SUPT7L: variants seen among roughly 807,000 people sequenced by gnomAD.
SUPT7L encodes SPT7 like, STAGA complex subunit gamma, also known as STAGA complex 65 subunit gamma.
A neutral mutation model predicts 35.7 loss-of-function variants in SUPT7L; 15 were observed. That is an observed-to-expected ratio of 0.42 (90% CI 0.28 to 0.65). SUPT7L has a LOEUF of 0.65. SUPT7L is among the 30% of genes least tolerant of loss of function. The pLI is 0.23. For missense variants in SUPT7L, 434 were observed against 522.2 expected (o/e 0.83, Z 1.65); for synonymous variants, 168 against 186.2 (o/e 0.90, Z 0.79).
In SUPT7L at chr2:27,657,245, ACT is replaced by A. The variant is rs1392836444; in HGVS notation, c.744+98_744+99del. 3.8e-6 allele frequency: 5 copies of A among 1,303,528 alleles called. No homozygotes were observed. Among genetic ancestry groups the A allele is most frequent in the African/African-American group, 3.0e-5 (2 of 67,712 alleles). The allele number at this position is 1,303,528 out of a possible 1,614,324, so 80.7% of individuals were successfully genotyped here. On this transcript the variant is annotated intron_variant, in intron 4 of 5. Transcript: ENST00000337768. This position sits in a 1 kb window ranked among gnomAD's most constrained non-coding sequence, Gnocchi z 5.2. ...TATGTTAAGTTCACTCTGTTCCAAG[ACT>A]CTGTGCTCTGCACTCTAGACCAAGT... is the stretch of plus-strand genomic sequence containing the variant.
downstream of SUPT7L, chr2:27,649,986 C>A: frequency 1.7e-6 from 1 of 591,724 alleles, no homozygotes; most frequent in Non-Finnish European, 3.1e-6. Flanking sequence ...GGAGACATTT[C>A]CTTTTTGAGG....
rs377345230 is a variant in SUPT7L, at chr2:27,653,452, T to G, written c.*33A>C. 8.1e-6 allele frequency: 13 copies of G among 1,601,132 alleles called. No homozygotes were observed. In the African/African-American group the frequency reaches 1.6e-4, roughly 20 times the overall value. On this transcript the variant is annotated 3_prime_UTR_variant, in exon 6 of 6. Transcript: ENST00000337768. ...CAAAAACCTTTTCTGTTGGGTCTAG[T>G]AGGTCTGGACAAAACATCTCCCTCT...
Position 27,657,681 on chromosome 2 carries a change from G to A in SUPT7L, c.420-12C>T, listed in dbSNP as rs1674870099. The A allele has an allele frequency of 1.9e-6, 3 of 1,605,442 alleles. No homozygotes were observed. In the East Asian group the frequency reaches 6.7e-5, roughly 36 times the overall value. On this transcript the variant is annotated splice_polypyrimidine_tract_variant and intron_variant, in intron 3 of 5. Transcript: ENST00000337768. This position sits in a 1 kb window ranked among gnomAD's most constrained non-coding sequence, Gnocchi z 5.2. Reference sequence around the variant, plus strand: ...GTTCCCCTTTCCCACTGAAAGTGGAGATACGGTGGTGTTATTAATGTTCTT... The same window carrying A: ...GTTCCCCTTTCCCACTGAAAGTGGAAATACGGTGGTGTTATTAATGTTCTT...
At chr2:27,645,725 A>G in the SUPT7L span, among the ~76,000 whole-genome samples, 1 of 151,894 alleles carries the variant, frequency 6.6e-6, no homozygotes, top group South Asian at 2.1e-4. Context: ...TTTTAAAACA[A>G]ATCATCTTTA....
the SUPT7L span, among the ~76,000 whole-genome samples, chr2:27,642,904 TGAGA>T: frequency 6.7e-6 from 1 of 148,872 alleles, no homozygotes; most frequent in Non-Finnish European, 1.5e-5. Flanking sequence ...TGTTTATATA[TGAGA>T]GAGAGAAAGA....
chr2:27,647,034 A>C (rs1674267053), downstream of SUPT7L, among the ~76,000 whole-genome samples: 1 of 151,806 alleles, frequency 6.6e-6, no homozygotes, highest in African/African-American at 2.4e-5. Context: ...CATTTGAGGA[A>C]AGTCACAAGT....
chr2:27,653,284 T>A lies in SUPT7L; in HGVS notation c.*201A>T. 1.5e-6 allele frequency: 1 copy of A among 661,668 alleles called. No individual in the cohort carries two copies. The highest frequency in any genetic ancestry group is 2.5e-6 in the Non-Finnish European group (1 of 401,528). The allele number at this position is 661,668 out of a possible 1,614,324, so 41.0% of individuals were successfully genotyped here. On this transcript the variant is annotated 3_prime_UTR_variant, in exon 6 of 6. Transcript: ENST00000337768. Reference sequence around the variant, plus strand: ...TCATATTTTATCTGTGAAGGGTGGCTTGGTTGTGGAAAACTATAAAAACTG... The same window carrying A: ...TCATATTTTATCTGTGAAGGGTGGCATGGTTGTGGAAAACTATAAAAACTG...
At chr2:27,645,903 T>C (rs1270137501), downstream of SUPT7L, among the ~76,000 whole-genome samples, 1 of 151,612 alleles carries the variant, frequency 6.6e-6, no homozygotes, top group Non-Finnish European at 1.5e-5. Flanking sequence ...CTAAATTTTG[T>C]ATTTTTAGTG....
At chr2:27,662,377 A>C (rs993663390) in intron 1 of SUPT7L, 96 bp from the exon 2 acceptor site, 2 of 594,108 alleles carry the variant, frequency 3.4e-6, no homozygotes, top group Non-Finnish European at 5.9e-6. Context: ...CTGGAAGCAC[A>C]AAGGAGGAGC....
chr2:27,651,775 A>G lies in SUPT7L; in HGVS notation c.*1710T>C, dbSNP rs777058955. On this transcript the variant is annotated 3_prime_UTR_variant, in exon 6 of 6. Coordinates refer to ENST00000337768, the MANE Select transcript of SUPT7L (RefSeq NM_014860.3). ...TCAATGTTTGCTGGATGAATGAACT[A>G]AATTCCCATACGGCCACTTTATGGA... is the stretch of plus-strand genomic sequence containing the variant. 11 of 152,242 alleles carry G rather than the reference A, an allele frequency of 7.2e-5. No individual in the cohort carries two copies. Among genetic ancestry groups the G allele is most frequent in the Non-Finnish European group, 1.5e-4 (10 of 68,052 alleles). 9.4% of individuals were successfully genotyped at this position (152,242 alleles called of 1,614,324 possible). A position where few individuals can be genotyped will look rare whatever the true frequency, so the allele number is the denominator to read the frequency against.
Position 27,663,378 on chromosome 2 carries a change from C to T in SUPT7L, c.-139G>A, listed in dbSNP as rs970513006. On this transcript the variant is annotated 5_prime_UTR_variant, in exon 1 of 6. Coordinates refer to ENST00000337768, the MANE Select transcript of SUPT7L (RefSeq NM_014860.3). ...CGGAGCCCAAGGAATGCCCAAGTCC[C>T]TCCAGGGGTTTCCTCGGTCACGGTC... The T allele has an allele frequency of 2.2e-5, 5 of 223,336 alleles. No homozygotes were observed. Among genetic ancestry groups the T allele is most frequent in the African/African-American group, 1.1e-4 (5 of 43,598 alleles). 13.8% of individuals were successfully genotyped at this position (223,336 alleles called of 1,614,324 possible).
chr2:27,658,621 T>C (rs1249086367), intron 3 of SUPT7L, among the ~76,000 whole-genome samples: 1 of 152,252 alleles, frequency 6.6e-6, no homozygotes, highest in East Asian at 1.9e-4. Flanking sequence ...GTACTTGGCA[T>C]GTGTCATCAC....
chr2:27,655,850 T>C (rs2148112965), intron 4 of SUPT7L, among the ~76,000 whole-genome samples: 1 of 152,300 alleles, frequency 6.6e-6, no homozygotes, highest in South Asian at 2.1e-4. Flanking sequence ...TAAAAAAATG[T>C]GTTAGAACTG....
Position 27,657,418 on chromosome 2 carries a change from C to T in SUPT7L, c.671G>A (p.Gly224Asp), listed in dbSNP as rs188290387. 1.5e-4 allele frequency: 247 copies of T among 1,614,262 alleles called. No homozygotes were observed. In the East Asian group the frequency reaches 4.5e-3, roughly 30 times the overall value. Residue 224 changes from glycine (G) to aspartate (D), a missense_variant, in exon 4 of 6, where the codon GGT (glycine) becomes GAT (aspartate). Around this residue, in one of 3 missense-constraint regions of SUPT7L, gnomAD observed 198 missense variants for 190.8 expected, o/e 1.04. Transcript: ENST00000337768. The surrounding 1 kb of genome is among the most constrained non-coding windows in gnomAD (Gnocchi z 5.2). The stretch of plus-strand genomic sequence containing the variant: ...CTGGAGGGAGAGCACACTGCCAATA[C>T]CCACTTCATGGAATACCTGCTCCAT... ...DVMEQVFHEVGIGSVLSLQKF... is the reference protein window; with the variant it reads ...DVMEQVFHEVDIGSVLSLQKF...
Position 27,662,254 on chromosome 2 carries a change from C to T in SUPT7L, c.-62G>A. Reference sequence around the variant, plus strand: ...CAAATGCCAGGCATTCTGTGTCGGTCAAAGACTGATAATGTGAGATCCTTG... The same window carrying T: ...CAAATGCCAGGCATTCTGTGTCGGTTAAAGACTGATAATGTGAGATCCTTG... On this transcript the variant is annotated 5_prime_UTR_variant, in exon 2 of 6. Transcript: ENST00000337768. The T allele has an allele frequency of 1.9e-6, 3 of 1,561,694 alleles. No homozygotes were observed. Among genetic ancestry groups the T allele is most frequent in the Admixed American group, 3.3e-5 (2 of 59,890 alleles).
the SUPT7L span, among the ~76,000 whole-genome samples, chr2:27,642,974 C>T: frequency 3.3e-5 from 5 of 151,016 alleles, no homozygotes. Flanking sequence ...CACACACACA[C>T]ACACACACAC....
At position 27,661,234 on chromosome 2, in the gene SUPT7L, AG is replaced by A. The variant is rs1471926393; in HGVS notation, c.168del (p.Ser57GlnfsTer13). The stretch of plus-strand genomic sequence containing the variant: ...TGGATGGTGAGACTACATGGCTCTG[AG>A]GGGATGTCCAGCATAGTGGGGGGCT... The part of the protein sequence containing the change: ...KPKPPTMLDI[P>X]SEPCSLTIHT... On this transcript the variant is annotated frameshift_variant, in exon 3 of 6. Transcript: ENST00000337768. LOFTEE classifies it high-confidence loss of function. 8 of 1,613,596 alleles carry A rather than the reference AG, an allele frequency of 5.0e-6. No homozygotes were observed. The highest frequency in any genetic ancestry group is 1.1e-5 in the South Asian group (1 of 91,054).
At chr2:27,648,397 T>C (rs552720058), downstream of SUPT7L, among the ~76,000 whole-genome samples, 26 of 152,128 alleles carry the variant, frequency 1.7e-4, no homozygotes, top group Non-Finnish European at 3.1e-4. Context: ...CTCACACCTG[T>C]AGTTCAAGCT....
chr2:27,662,533 T>C (rs1470496291), intron 1 of SUPT7L, among the ~76,000 whole-genome samples: 3 of 152,198 alleles, frequency 2.0e-5, no homozygotes, highest in Admixed American at 6.5e-5. Flanking sequence ...GGCAGACTCA[T>C]ATTCATTTTT....
Sources: gnomAD v4.1 joint callset for allele counts (sites outside exome capture counted in the v4.1 genomes callset) on GRCh38, gnomAD v4.1.1 for gene constraint, gnomAD v4.1.1 regional missense constraint, Gnocchi (gnomAD v3.1) non-coding constraint, MANE v1.5 for transcripts, NCBI Gene and HGNC (gene_info 2026-07-23, HGNC 2026-07-21) for gene names.